The following DIPK1A variants were observed in gnomAD, a reference collection of about 807,000 sequenced individuals.
DIPK1A encodes divergent protein kinase domain 1A, also known as family with sequence similarity 69 member A.
DIPK1A carries 27 observed loss-of-function variants against 40.8 expected under a neutral mutation model. The observed-to-expected ratio is 0.66, with a 90% confidence interval of 0.49 to 0.91. The LOEUF is 0.91. DIPK1A is among the 40% of genes least tolerant of loss of function. DIPK1A has a pLI of 0.00. For missense variants in DIPK1A, 412 were observed against 505.7 expected, an observed-to-expected ratio of 0.81 and a Z score of 1.78; for synonymous variants, 166 against 171.3, an observed-to-expected ratio of 0.97 and a Z score of 0.24.
intron 1 of DIPK1A, among the ~76,000 whole-genome samples, chr1:92,895,609 T>C (rs1170860075): frequency 6.6e-6 from 1 of 152,050 alleles, no homozygotes; most frequent in African/African-American, 2.4e-5. Context: ...AGGGATGCCC[T>C]CTCTCACCAC....
chr1:92,942,117 A>T (rs949074239), intron 1 of DIPK1A, among the ~76,000 whole-genome samples: 2 of 152,228 alleles, frequency 1.3e-5, no homozygotes, highest in Non-Finnish European at 1.5e-5. Flanking sequence ...TGAGCAGCAA[A>T]ATAGCAACAT....
chr1:92,871,556 T>G (rs925505213), intron 2 of DIPK1A, among the ~76,000 whole-genome samples: 3 of 152,218 alleles, frequency 2.0e-5, no homozygotes, highest in Admixed American at 2.0e-4. Context: ...AATAATAATA[T>G]GCATCCTTGA....
At chr1:92,846,661 C>A in intron 4 of DIPK1A, 2 of 389,578 alleles carry the variant, frequency 5.1e-6, no homozygotes, top group South Asian at 1.8e-5. Context: ...CAGGGTCTCA[C>A]TTTGTCGTCC....
At chr1:92,893,268 C>T (rs12057243) in intron 1 of DIPK1A, among the ~76,000 whole-genome samples, 9 of 151,062 alleles carry the variant, frequency 6.0e-5, no homozygotes, top group Admixed American at 2.6e-4. Context: ...TCAGGTTACC[C>T]ACAAAGGGAA....
At chr1:92,863,841 G>T (rs958224370) in intron 2 of DIPK1A, among the ~76,000 whole-genome samples, 2 of 152,022 alleles carry the variant, frequency 1.3e-5, no homozygotes, top group Admixed American at 1.3e-4. Context: ...ACTTAAGGTC[G>T]GTCAGGAGTT....
chr1:92,882,570 T>C (rs1012119495), intron 1 of DIPK1A, among the ~76,000 whole-genome samples: 3 of 152,220 alleles, frequency 2.0e-5, no homozygotes, highest in Non-Finnish European at 4.4e-5. Context: ...TTTACACAAG[T>C]AGAAGCATAT....
exon 5 of DIPK1A, chr1:92,832,774 T>G: frequency 3.9e-6 from 2 of 506,678 alleles, no homozygotes; most frequent in Non-Finnish European, 7.0e-6. Flanking sequence ...GGATGAAATG[T>G]TGCTTTAGCT....
intron 1 of DIPK1A, among the ~76,000 whole-genome samples, chr1:92,920,651 T>A (rs1377934538): frequency 6.6e-6 from 1 of 152,212 alleles, no homozygotes; most frequent in Non-Finnish European, 1.5e-5. Flanking sequence ...GATTAACAGA[T>A]GTTTTAACAT....
chr1:92,920,996 G>A (rs1476039185), intron 1 of DIPK1A, among the ~76,000 whole-genome samples: 1 of 152,100 alleles, frequency 6.6e-6, no homozygotes, highest in East Asian at 1.9e-4. Flanking sequence ...TGGGGGAAAT[G>A]GCCACCCACA....
At chr1:92,916,553 T>C (rs1423753635) in intron 1 of DIPK1A, among the ~76,000 whole-genome samples, 2 of 152,114 alleles carry the variant, frequency 1.3e-5, no homozygotes, top group Non-Finnish European at 2.9e-5. Flanking sequence ...CCACCTGCCT[T>C]GGCCTCACAA....
At chr1:92,916,331 C>T (rs7517239) in intron 1 of DIPK1A, among the ~76,000 whole-genome samples, 60 of 129,714 alleles carry the variant, frequency 4.6e-4, no homozygotes, top group African/African-American at 1.8e-3. Flanking sequence ...GACGGAGTTT[C>T]GCTGTTGTCA....
intron 1 of DIPK1A, among the ~76,000 whole-genome samples, chr1:92,953,463 A>G (rs1326506347): frequency 6.6e-6 from 1 of 152,242 alleles, no homozygotes. Flanking sequence ...TCCCATGTTC[A>G]TTGTAGTACA....
intron 1 of DIPK1A, among the ~76,000 whole-genome samples, chr1:92,907,876 T>C (rs1649684748): frequency 6.6e-6 from 1 of 151,688 alleles, no homozygotes; most frequent in African/African-American, 2.4e-5. Context: ...TAAAAATATA[T>C]ATTTTTTTGA....
At chr1:92,946,764 G>T (rs1024033945) in intron 1 of DIPK1A, among the ~76,000 whole-genome samples, 24 of 152,000 alleles carry the variant, frequency 1.6e-4, no homozygotes, top group African/African-American at 5.6e-4. Flanking sequence ...GCAACATGGT[G>T]AAACCCTGCC....
intron 1 of DIPK1A, among the ~76,000 whole-genome samples, chr1:92,954,268 A>G (rs1199025633): frequency 6.6e-5 from 10 of 151,554 alleles, no homozygotes; most frequent in Admixed American, 5.3e-4. Flanking sequence ...GTTTGAGACC[A>G]GCCTGGGCAA....
chr1:92,860,121 T>A (rs1017789183), intron 2 of DIPK1A, among the ~76,000 whole-genome samples: 13 of 152,316 alleles, frequency 8.5e-5, no homozygotes, highest in South Asian at 4.1e-4. Context: ...AGATATTCCA[T>A]ACCTTTTAAT....
At chr1:92,841,792 C>T (rs1177452983), downstream of DIPK1A, 5 of 1,611,576 alleles carry the variant, frequency 3.1e-6, no homozygotes, top group Non-Finnish European at 4.2e-6. Context: ...ATGTCCCTTG[C>T]TCAGAAGAAG....
intron 1 of DIPK1A, among the ~76,000 whole-genome samples, chr1:92,921,640 T>C (rs1467382009): frequency 2.6e-5 from 4 of 152,124 alleles, no homozygotes; most frequent in Non-Finnish European, 1.5e-5. Flanking sequence ...GGAAGTACTG[T>C]CTGGAGAAAG....
chr1:92,844,218 C>T (rs1687499682), intron 4 of DIPK1A, 23 bp from the exon 5 acceptor site: 14 of 1,472,318 alleles, frequency 9.5e-6, no homozygotes, highest in Non-Finnish European at 1.3e-5. Flanking sequence ...TGGCTAGTTA[C>T]ACAGAAGGAA....
Sources: gnomAD v4.1 joint callset for allele counts (sites outside exome capture counted in the v4.1 genomes callset) on GRCh38, gnomAD v4.1.1 for gene constraint, MANE v1.5 for transcripts, NCBI Gene and HGNC (gene_info 2026-07-23, HGNC 2026-07-21) for gene names.